TEAD1: variants seen among roughly 807,000 people sequenced by gnomAD.
TEAD1 encodes TEA domain transcription factor 1, also known as transcriptional enhancer factor TEF-1.
In TEAD1, 9 loss-of-function variants were observed where a neutral mutation model predicts 54.9. The observed-to-expected ratio is 0.16, with a 90% CI of 0.10 to 0.29. The LOEUF is 0.29. Ranked by LOEUF, TEAD1 falls within the 10% of genes least tolerant of loss-of-function variation. The probability of loss-of-function intolerance (pLI) is 1.00; values close to 1 mark genes in which losing one functional copy is unlikely to be tolerated. For synonymous variants in TEAD1, 200 were observed against 187.8 expected (o/e 1.07, Z -0.53); for missense variants, 387 against 535.9 (o/e 0.72, Z 2.74).
rs370798380 is a variant in TEAD1, at chr11:12,884,921, T to C, written c.699+1796T>C. On this transcript the variant is annotated intron_variant, in intron 9 of 12. Transcript: ENST00000527636. Reference sequence around the variant, plus strand: ...CTGGGAAGCATACATAGTTCTTTGGTTGAAGGCTGGGCTTTGGCCCAGATG... The same window carrying C: ...CTGGGAAGCATACATAGTTCTTTGGCTGAAGGCTGGGCTTTGGCCCAGATG... Among the ~76,000 whole-genome samples the C allele has an allele frequency of 5.3e-5, 8 of 152,332 alleles. No individual in the cohort carries two copies. In the East Asian group the frequency reaches 5.8e-4, roughly 11 times the overall value.
chr11:12,674,623 C>G lies in TEAD1; in HGVS notation c.-419C>G, dbSNP rs1264470605. On this transcript the variant is annotated 5_prime_UTR_variant, in exon 1 of 13. Coordinates refer to ENST00000527636, the MANE Select transcript of TEAD1 (RefSeq NM_021961.6). ...TCCAGGCACAGGCCATGCAGTGACG[C>G]CCCCCCACCCCTCCACCTTTGCCCG... The G allele has an allele frequency of 6.6e-6, 1 of 150,984 alleles. No individual in the cohort carries two copies. Among genetic ancestry groups the G allele is most frequent in the Non-Finnish European group, 1.5e-5 (1 of 67,900 alleles). 9.4% of individuals were successfully genotyped at this position (150,984 alleles called of 1,614,324 possible). A position where few individuals can be genotyped will look rare whatever the true frequency, so the allele number is the denominator to read the frequency against.
intron 9 of TEAD1, among the ~76,000 whole-genome samples, chr11:12,892,480 A>C (rs906758030): frequency 1.3e-5 from 2 of 152,088 alleles, no homozygotes; most frequent in South Asian, 4.1e-4. Flanking sequence ...CCCCGCTTCT[A>C]CAAAAATACA....
In TEAD1 at chr11:12,738,337, A is replaced by C. The variant is rs533636147; in HGVS notation, c.-54-25842A>C. 1.1e-4 allele frequency among the ~76,000 whole-genome samples: 16 copies of C among 152,360 alleles called. No homozygotes were observed. In the South Asian group the frequency reaches 2.9e-3, roughly 28 times the overall value. On this transcript the variant is annotated intron_variant, in intron 2 of 12. Coordinates refer to ENST00000527636, the MANE Select transcript of TEAD1 (RefSeq NM_021961.6). ...TATTGATAAAAATTTAGCATCAATA[A>C]ATATTTAGCAGCCTTGAAGAATGTT... is the stretch of plus-strand genomic sequence containing the variant.
intron 3 of TEAD1, among the ~76,000 whole-genome samples, chr11:12,853,867 A>G (rs1383604915): frequency 6.6e-6 from 1 of 152,224 alleles, no homozygotes; most frequent in Non-Finnish European, 1.5e-5. Flanking sequence ...ACTCACTGGC[A>G]GGGATATGAG....
intron 3 of TEAD1, among the ~76,000 whole-genome samples, chr11:12,850,360 C>T (rs866785525): frequency 3.9e-5 from 6 of 152,264 alleles, no homozygotes; most frequent in South Asian, 2.1e-4. Context: ...AGCTTGAACC[C>T]GGGAGGCGGA....
rs1485372041 is a variant in TEAD1, at chr11:12,940,948, C to G, written c.*3726C>G. ...TGTCTTGAGCTGAAAGCACAGTCTA[C>G]TCTCCTTCGTTTTGTCGATGAGAAA... On this transcript the variant is annotated 3_prime_UTR_variant, in exon 13 of 13. Transcript: ENST00000527636. The G allele has an allele frequency of 6.6e-6, 1 of 152,226 alleles. No homozygotes were observed. The highest frequency in any genetic ancestry group is 1.5e-5 in the Non-Finnish European group (1 of 68,064). 9.4% of individuals were successfully genotyped at this position (152,226 alleles called of 1,614,324 possible).
At chr11:12,808,112 T>G (rs1246555039) in intron 3 of TEAD1, among the ~76,000 whole-genome samples, 2 of 152,232 alleles carry the variant, frequency 1.3e-5, no homozygotes, top group African/African-American at 4.8e-5. Context: ...AAAATTATTT[T>G]TATTTCTAAA....
intron 3 of TEAD1, among the ~76,000 whole-genome samples, chr11:12,831,298 C>T (rs1282977587): frequency 6.6e-6 from 1 of 152,080 alleles, no homozygotes; most frequent in Non-Finnish European, 1.5e-5. Context: ...TGTCCTTCTC[C>T]TGCCCCCTCT....
chr11:12,789,347 CTTTTATTATTTAT>C (rs1166277751), intron 3 of TEAD1, among the ~76,000 whole-genome samples: 1 of 152,090 alleles, frequency 6.6e-6, no homozygotes, highest in Non-Finnish European at 1.5e-5. Context: ...ATTGGCATTG[CTTTTATTATTTAT>C]TTTTATTATT....
chr11:12,910,967 G>A (rs1948607783), intron 10 of TEAD1, among the ~76,000 whole-genome samples: 2 of 152,060 alleles, frequency 1.3e-5, no homozygotes, highest in Non-Finnish European at 2.9e-5. Flanking sequence ...GGCTGGTCTT[G>A]AACTCCTGAC....
Position 12,892,751 on chromosome 11 carries a change from C to T in TEAD1, c.700-9189C>T, listed in dbSNP as rs1214163057. ...TCCTGGGCAGGACAGAGAAGGGCACCGGTGTCTCTGGAGGAGCTTCCTAGT... is the reference window on the plus strand; with the variant it reads ...TCCTGGGCAGGACAGAGAAGGGCACTGGTGTCTCTGGAGGAGCTTCCTAGT... On this transcript the variant is annotated intron_variant, in intron 9 of 12. Coordinates refer to ENST00000527636, the MANE Select transcript of TEAD1 (RefSeq NM_021961.6). 5.9e-5 allele frequency among the ~76,000 whole-genome samples: 9 copies of T among 152,274 alleles called. No homozygotes were observed. In the East Asian group the frequency reaches 9.6e-4, roughly 16 times the overall value.
Position 12,764,332 on chromosome 11 carries a change from G to A in TEAD1, c.100G>A (p.Val34Ile), listed in dbSNP as rs1368013362. Residue 34 changes from valine to isoleucine, a missense_variant, in exon 3 of 13, where the codon GTC (valine) becomes ATC (isoleucine). Val to Ile is a conservative substitution (Grantham distance 29). Coordinates refer to ENST00000527636, the MANE Select transcript of TEAD1 (RefSeq NM_021961.6). ...GCCAATTGACAATGATGCAGAAGGGGTCTGGAGCCCCGACATCGAGCAAAG... is the reference window on the plus strand; with the variant it reads ...GCCAATTGACAATGATGCAGAAGGGATCTGGAGCCCCGACATCGAGCAAAG... 1 of 1,614,214 alleles carries A rather than the reference G, an allele frequency of 6.2e-7. No individual in the cohort carries two copies. Among genetic ancestry groups the A allele is most frequent in the African/African-American group, 1.3e-5 (1 of 75,064 alleles).
At chr11:12,675,235 C>T (rs867841361) in intron 1 of TEAD1, among the ~76,000 whole-genome samples, 174 bp from the exon 2 acceptor site, 1 of 151,922 alleles carries the variant, frequency 6.6e-6, no homozygotes, top group Middle Eastern at 3.4e-3. Context: ...GCGGGCAGAG[C>T]CGCCGCCTCG....
intron 3 of TEAD1, among the ~76,000 whole-genome samples, chr11:12,812,883 A>G (rs946188830): frequency 2.0e-5 from 3 of 152,226 alleles, no homozygotes; most frequent in Non-Finnish European, 4.4e-5. Flanking sequence ...AGAATTCAAT[A>G]GAACAATACC....
At chr11:12,910,502 A>C (rs568107120) in intron 10 of TEAD1, among the ~76,000 whole-genome samples, 197 of 150,924 alleles carry the variant, frequency 1.3e-3, no homozygotes, top group Non-Finnish European at 1.8e-3. Context: ...TTGGAATAAT[A>C]AAGAAGAAAG....
At chr11:12,911,806 G>C (rs1048204710) in intron 10 of TEAD1, among the ~76,000 whole-genome samples, 3 of 151,890 alleles carry the variant, frequency 2.0e-5, no homozygotes, top group African/African-American at 7.3e-5. Context: ...TGGAGCTTGT[G>C]AGCACTTTCT....
intron 3 of TEAD1, among the ~76,000 whole-genome samples, chr11:12,769,238 G>C (rs1945269009): frequency 6.6e-6 from 1 of 152,160 alleles, no homozygotes; most frequent in African/African-American, 2.4e-5. Flanking sequence ...ATGAGGGGGA[G>C]GGTGTCTCTA....
intron 5 of TEAD1, chr11:12,879,033 T>G (rs1947912894): frequency 1.7e-6 from 1 of 578,812 alleles, no homozygotes; most frequent in Admixed American, 3.5e-5. Context: ...CACGTACCTG[T>G]AGCATCCCCT....
chr11:12,805,769 G>T (rs1946157567), intron 3 of TEAD1, among the ~76,000 whole-genome samples: 1 of 152,212 alleles, frequency 6.6e-6, no homozygotes. Context: ...ACAGAAACTA[G>T]CTGAAGCATT....
Sources: gnomAD v4.1 joint callset for allele counts (sites outside exome capture counted in the v4.1 genomes callset) on GRCh38, gnomAD v4.1.1 for gene constraint, MANE v1.5 for transcripts, NCBI Gene and HGNC (gene_info 2026-07-23, HGNC 2026-07-21) for gene names.